CFB: variants seen among roughly 807,000 people sequenced by gnomAD.
CFB encodes complement factor B.
CFB carries 59 observed loss-of-function variants against 97.2 expected under a neutral mutation model. That is an observed-to-expected ratio of 0.61 (90% CI 0.49 to 0.75). CFB has a LOEUF of 0.75. Ranked by LOEUF, CFB falls within the 30% of genes least tolerant of loss-of-function variation. The pLI, the probability that CFB is intolerant of heterozygous loss-of-function variation, is 0.00. For synonymous variants in CFB, 316 were observed against 351.7 expected, an observed-to-expected ratio of 0.90 and a Z score of 1.14; for missense variants, 771 against 959.8, an observed-to-expected ratio of 0.80 and a Z score of 2.60.
Position 31,946,890 on chromosome 6 carries a change from C to A in CFB, c.299-117C>A. The stretch of plus-strand genomic sequence containing the variant: ...GGGTTGAGGAGTAGGTAAGATGCTG[C>A]TTCTGCGGGACTGGGAATGCGCTGT... On this transcript the variant is annotated intron_variant, in intron 2 of 17. Coordinates refer to ENST00000425368, the MANE Select transcript of CFB (RefSeq NM_001710.6). This position sits in a 1 kb window ranked among gnomAD's most constrained non-coding sequence, Gnocchi z 6.4. The A allele has an allele frequency of 9.3e-7, 1 of 1,079,254 alleles. No individual in the cohort carries two copies. The highest frequency in any genetic ancestry group is 1.4e-6 in the Non-Finnish European group (1 of 710,618). The allele number at this position is 1,079,254 out of a possible 1,614,324, so 66.9% of individuals were successfully genotyped here.
chr6:31,948,353 C>A (rs763000958), intron 6 of CFB, 21 bp from the exon 7 acceptor site: 1 of 1,614,188 alleles, frequency 6.2e-7, no homozygotes, highest in East Asian at 2.2e-5. Context: ...TGCCATGGCG[C>A]CTTGTTCTCC....
chr6:31,946,218 C>T lies in CFB; in HGVS notation c.-4C>T, dbSNP rs781135926. 1.6e-5 allele frequency: 26 copies of T among 1,613,000 alleles called. No homozygotes were observed. Among genetic ancestry groups the T allele is most frequent in the South Asian group, 8.8e-5 (8 of 91,094 alleles). Reference sequence around the variant, plus strand: ...GCCCAGCTTCTCTCCTGCCTTCCAACGCCATGGGGAGCAATCTCAGCCCCC... The same window carrying T: ...GCCCAGCTTCTCTCCTGCCTTCCAATGCCATGGGGAGCAATCTCAGCCCCC... On this transcript the variant is annotated 5_prime_UTR_variant, in exon 1 of 18. The change creates a new upstream start codon in the 5' untranslated region. Coordinates refer to ENST00000425368, the MANE Select transcript of CFB (RefSeq NM_001710.6). This position sits in a 1 kb window ranked among gnomAD's most constrained non-coding sequence, Gnocchi z 6.4.
Position 31,946,403 on chromosome 6 carries a change from G to C in CFB, c.95G>C (p.Arg32Pro). The C allele has an allele frequency of 1.9e-6, 3 of 1,612,908 alleles. No homozygotes were observed. The highest frequency in any genetic ancestry group is 1.1e-5 in the South Asian group (1 of 91,082). ...ACCACCACTCCATGGTCTTTGGCCCGGCCCCAGGGATCCTGCTCTCTGGAG... is the reference window on the plus strand; with the variant it reads ...ACCACCACTCCATGGTCTTTGGCCCCGCCCCAGGGATCCTGCTCTCTGGAG... ...GVTTTPWSLA[R>P]PQGSCSLEGV... is the part of the protein sequence containing the mutation. Residue 32 changes from arginine (R) to proline (P), a missense_variant, in exon 2 of 18, where the codon CGG becomes CCG. By Grantham distance (103) the Arg-to-Pro change is moderately radical. Coordinates refer to ENST00000425368, the MANE Select transcript of CFB (RefSeq NM_001710.6). This position sits in a 1 kb window ranked among gnomAD's most constrained non-coding sequence, Gnocchi z 6.4.
In CFB at chr6:31,951,334, C is replaced by G. The variant is rs1369682145; in HGVS notation, c.1957-7C>G. On this transcript the variant is annotated splice_polypyrimidine_tract_variant and splice_region_variant and intron_variant, in intron 15 of 17. Coordinates refer to ENST00000425368, the MANE Select transcript of CFB (RefSeq NM_001710.6). This position sits in a 1 kb window ranked among gnomAD's most constrained non-coding sequence, Gnocchi z 4.3. ...TTACTTCTCCATGCTTCCCACCTCCCCTACAGAAAGGCAGCTGTGAGAGAG... is the reference window on the plus strand; with the variant it reads ...TTACTTCTCCATGCTTCCCACCTCCGCTACAGAAAGGCAGCTGTGAGAGAG... The G allele has an allele frequency of 6.2e-7, 1 of 1,614,150 alleles. No individual in the cohort carries two copies. Among genetic ancestry groups the G allele is most frequent in the Non-Finnish European group, 8.5e-7 (1 of 1,180,042 alleles).
In CFB at chr6:31,951,005, G is replaced by A; in HGVS notation, c.1855+61G>A. ...CCCAAGAGACAAGTGGGGCATGAGA[G>A]GGAGGTGCAATAGGAAGAGATGATG... On this transcript the variant is annotated intron_variant, in intron 14 of 17. Coordinates refer to ENST00000425368, the MANE Select transcript of CFB (RefSeq NM_001710.6). The surrounding 1 kb of genome is among the most constrained non-coding windows in gnomAD (Gnocchi z 4.3). 1 of 1,592,654 alleles carries A rather than the reference G, an allele frequency of 6.3e-7. No individual in the cohort carries two copies. Among genetic ancestry groups the A allele is most frequent in the Non-Finnish European group, 8.6e-7 (1 of 1,162,538 alleles).
chr6:31,951,915 A>G lies in CFB; in HGVS notation c.2180A>G (p.Asn727Ser). 1.2e-6 allele frequency: 2 copies of G among 1,613,050 alleles called. No individual in the cohort carries two copies. Among genetic ancestry groups the G allele is most frequent in the African/African-American group, 1.3e-5 (1 of 75,024 alleles). Residue 727 changes from asparagine (N) to serine (S), a missense_variant, in exon 18 of 18, where the codon AAC becomes AGC. By Grantham distance (46) the Asn-to-Ser change is conservative. Coordinates refer to ENST00000425368, the MANE Select transcript of CFB (RefSeq NM_001710.6). This position sits in a 1 kb window ranked among gnomAD's most constrained non-coding sequence, Gnocchi z 4.3. ...ISWGVVDVCK[N>S]QKRQKQVPAH... Reference sequence around the variant, plus strand: ...TGGGGAGTAGTGGATGTCTGCAAAAACCAGAAGCGGCAAAAGCAGGTACCT... The same window carrying G: ...TGGGGAGTAGTGGATGTCTGCAAAAGCCAGAAGCGGCAAAAGCAGGTACCT...
chr6:31,950,477 A>G, intron 12 of CFB, 74 bp downstream of exon 12: 1 of 1,561,156 alleles, frequency 6.4e-7, no homozygotes, highest in Non-Finnish European at 8.8e-7. Flanking sequence ...TACAGATCCT[A>G]CACTCCACCC....
In CFB at chr6:31,950,088, G is replaced by A; in HGVS notation, c.1447G>A (p.Glu483Lys). 1.2e-6 allele frequency: 2 copies of A among 1,613,058 alleles called. No individual in the cohort carries two copies. Among genetic ancestry groups the A allele is most frequent in the Non-Finnish European group, 8.5e-7 (1 of 1,180,038 alleles). The change falls in exon 11 of 18, where the codon GAA becomes AAA. Residue 483 changes from glutamate (E) to lysine (K), a missense_variant. Coordinates refer to ENST00000425368, the MANE Select transcript of CFB (RefSeq NM_001710.6). ...TCTGAGTCTCTGTGGCATGGTTTGGGAACACAGGAAGGGTACCGATTACCA... is the reference window on the plus strand; with the variant it reads ...TCTGAGTCTCTGTGGCATGGTTTGGAAACACAGGAAGGGTACCGATTACCA... The part of the protein sequence containing the change: ...QSLSLCGMVW[E>K]HRKGTDYHKQ...
rs13194698 is a variant in CFB at position 31,946,896 on chromosome 6, C to T, written c.299-111C>T. Reference sequence around the variant, plus strand: ...AGGAGTAGGTAAGATGCTGCTTCTGCGGGACTGGGAATGCGCTGTTTCTCA... The same window carrying T: ...AGGAGTAGGTAAGATGCTGCTTCTGTGGGACTGGGAATGCGCTGTTTCTCA... On this transcript the variant is annotated intron_variant, in intron 2 of 17. Coordinates refer to ENST00000425368, the MANE Select transcript of CFB (RefSeq NM_001710.6). The surrounding 1 kb of genome is among the most constrained non-coding windows in gnomAD (Gnocchi z 6.4). 0.011 allele frequency: 12,111 copies of T among 1,126,164 alleles called. 138 individuals carry two copies. Among genetic ancestry groups the T allele is most frequent in the South Asian group, 0.04 (3,119 of 78,912 alleles). 69.8% of individuals were successfully genotyped at this position (1,126,164 alleles called of 1,614,324 possible).
At chr6:31,949,959 C>G (rs1771647193) in intron 10 of CFB, 91 bp from the exon 11 acceptor site, 7 of 1,214,358 alleles carry the variant, frequency 5.8e-6, no homozygotes, top group African/African-American at 1.5e-5. Flanking sequence ...TCCTTTTGGG[C>G]CTTTGCTCCC....
intron 10 of CFB, 189 bp downstream of exon 10, chr6:31,949,746 C>A: frequency 1.3e-6 from 1 of 767,522 alleles, no homozygotes; most frequent in Admixed American, 2.4e-5. Context: ...GCTCTGAGCA[C>A]TTCAGAGATC....
rs1341437816 is a variant in CFB, at chr6:31,947,292, C to T, written c.485-56C>T. On this transcript the variant is annotated intron_variant, in intron 3 of 17. Coordinates refer to ENST00000425368, the MANE Select transcript of CFB (RefSeq NM_001710.6). The surrounding 1 kb of genome is among the most constrained non-coding windows in gnomAD (Gnocchi z 5.3). ...GGACACTGTAACTCTTGCTCTCTAC[C>T]TTGCTCACGGGGCCTCAGGCTTCAG... 3.4e-5 allele frequency: 55 copies of T among 1,611,852 alleles called. No individual in the cohort carries two copies. Among genetic ancestry groups the T allele is most frequent in the Non-Finnish European group, 6.8e-6 (8 of 1,179,706 alleles).
chr6:31,952,015 T>C lies in CFB; in HGVS notation c.2280T>C (p.Asp760=). 1 of 1,612,894 alleles carries C rather than the reference T, an allele frequency of 6.2e-7. No homozygotes were observed. The highest frequency in any genetic ancestry group is 8.5e-7 in the Non-Finnish European group (1 of 1,180,022). The part of the protein sequence containing the change: ...PWLKEKLQDE[D]LGFL ...TGAAGGAGAAACTCCAAGATGAGGA[T>C]TTGGGTTTTCTATAAGGGGTTTCCT... Residue 760 remains aspartate (D), a synonymous_variant, in exon 18 of 18, where the codon GAT becomes GAC. Transcript: ENST00000425368.
chr6:31,949,592 T>G, intron 10 of CFB, 35 bp downstream of exon 10: 2 of 1,611,282 alleles, frequency 1.2e-6, no homozygotes, highest in Non-Finnish European at 8.5e-7. Flanking sequence ...AACACAACTC[T>G]CCTCAGGTTC....
Position 31,951,095 on chromosome 6 carries a change from G to A in CFB, c.1856-49G>A, listed in dbSNP as rs146329167. The A allele has an allele frequency of 2.6e-5, 41 of 1,596,482 alleles. No individual in the cohort carries two copies. The highest frequency in any genetic ancestry group is 3.5e-5 in the Non-Finnish European group (41 of 1,165,742). On this transcript the variant is annotated intron_variant, in intron 14 of 17. Transcript: ENST00000425368. This position sits in a 1 kb window ranked among gnomAD's most constrained non-coding sequence, Gnocchi z 4.3. Reference sequence around the variant, plus strand: ...TCTACTGAGTGACAAAGGCAATGGGGAGATGACAGTGGTGGGAGCAGCTGA... The same window carrying A: ...TCTACTGAGTGACAAAGGCAATGGGAAGATGACAGTGGTGGGAGCAGCTGA...
At position 31,950,280 on chromosome 6, in the gene CFB, C is replaced by T; in HGVS notation, c.1507-6C>T. The T allele has an allele frequency of 6.2e-7, 1 of 1,612,222 alleles. No homozygotes were observed. Among genetic ancestry groups the T allele is most frequent in the Non-Finnish European group, 8.5e-7 (1 of 1,179,306 alleles). ...GAGCTTTCCCTCTCTACTGTTGTGT[C>T]CCCAGCGCCCTTCAAAGGGACACGA... On this transcript the variant is annotated splice_polypyrimidine_tract_variant and splice_region_variant and intron_variant, in intron 11 of 17. Coordinates refer to ENST00000425368, the MANE Select transcript of CFB (RefSeq NM_001710.6).
chr6:31,950,206 A>T, intron 11 of CFB, 59 bp downstream of exon 11: 1 of 1,605,170 alleles, frequency 6.2e-7, no homozygotes, highest in South Asian at 1.1e-5. Flanking sequence ...GTGAAATGGG[A>T]GTAGGGGAAG....
intron 9 of CFB, 34 bp from the exon 10 acceptor site, chr6:31,949,386 G>A: frequency 6.2e-7 from 1 of 1,614,190 alleles, no homozygotes. Flanking sequence ...CTTCCTCAGG[G>A]CTTGGACCCT....
In CFB at chr6:31,951,617, T is replaced by C. The variant is rs539444990; in HGVS notation, c.2139+13T>C. Reference sequence around the variant, plus strand: ...TCGTTTCATTCAAGTGAGTCCTCCCTTTCCTATCTGGGGAGATGCCAAGTG... The same window carrying C: ...TCGTTTCATTCAAGTGAGTCCTCCCCTTCCTATCTGGGGAGATGCCAAGTG... On this transcript the variant is annotated intron_variant, in intron 17 of 17. Transcript: ENST00000425368. The surrounding 1 kb of genome is among the most constrained non-coding windows in gnomAD (Gnocchi z 4.3). 16 of 1,614,212 alleles carry C rather than the reference T, an allele frequency of 9.9e-6. No homozygotes were observed. The African/African-American group carries it at 1.9e-4, about 19-fold the overall frequency.
Sources: gnomAD v4.1 joint callset for allele counts on GRCh38, gnomAD v4.1.1 for gene constraint, Gnocchi (gnomAD v3.1) non-coding constraint, MANE v1.5 for transcripts, NCBI Gene and HGNC (gene_info 2026-07-23, HGNC 2026-07-21) for gene names.